The following GALNS variants were observed in gnomAD, a reference collection of about 807,000 sequenced individuals.
GALNS encodes galactosamine (N-acetyl)-6-sulfatase.
In GALNS, 65 loss-of-function variants were observed where a neutral mutation model predicts 65.9. That is an observed-to-expected ratio of 0.99 (90% CI 0.81 to 1.21). The LOEUF (loss-of-function observed/expected upper bound fraction) is 1.21. GALNS is among the 50% of genes most tolerant of loss of function. The pLI is 0.00. For missense variants in GALNS, 776 were observed against 700.7 expected (o/e 1.11, Z -1.21); for synonymous variants, 346 against 288.9 (o/e 1.20, Z -2.00).
In GALNS at chr16:88,856,860, C is replaced by A. The variant is rs753547371; in HGVS notation, c.18G>T (p.Ala6=). 1 of 1,509,988 alleles carries A rather than the reference C, an allele frequency of 6.6e-7. No individual in the cohort carries two copies. Among genetic ancestry groups the A allele is most frequent in the East Asian group, 2.7e-5 (1 of 37,084 alleles). The allele number at this position is 1,509,988 out of a possible 1,614,324, so 93.5% of individuals were successfully genotyped here. A position where few individuals can be genotyped will look rare whatever the true frequency, so the allele number is the denominator to read the frequency against. Residue 6 remains alanine (A), a synonymous_variant, in exon 1 of 14, where the codon GCG becomes GCT. Transcript: ENST00000268695. ...GCAACAGCTGCCACCACCTCGTCGC[C>A]GCGACAACCGCCGCCATGGCAACCA... MAAVV[A]ATRWWQLLLV... is the part of the protein sequence containing the mutation.
intron 9 of GALNS, chr16:88,827,242 T>C (rs1189864099): frequency 4.1e-5 from 10 of 244,692 alleles, no homozygotes; most frequent in South Asian, 3.1e-4. Context: ...AAAAACCAGA[T>C]GTGGAGGGGC....
chr16:88,855,085 C>A (rs12932588), intron 1 of GALNS: 132,959 of 430,664 alleles, frequency 0.31, 23,787 homozygotes, highest in African/African-American at 0.61. Context: ...ATGCAATTCC[C>A]TATTTACCGG....
rs373437130 is a variant in GALNS at position 88,838,374 on chromosome 16, TGAC to T, written c.423-612_423-610del. On this transcript the variant is annotated intron_variant, in intron 4 of 13. Coordinates refer to ENST00000268695, the MANE Select transcript of GALNS (RefSeq NM_000512.5). ...ACCCTGGCAGAGGCAGGGATTAGAG[TGAC>T]GACAAGAGAACGTGACAGTGTGGCC... 2.1e-3 allele frequency among the ~76,000 whole-genome samples: 319 copies of T among 151,928 alleles called. 2 individuals carry two copies. Among genetic ancestry groups the T allele is most frequent in the African/African-American group, 7.2e-3 (300 of 41,386 alleles).
chr16:88,839,697 C>A (rs1274132387), intron 4 of GALNS, among the ~76,000 whole-genome samples: 1 of 152,230 alleles, frequency 6.6e-6, no homozygotes, highest in Non-Finnish European at 1.5e-5. Context: ...AGCCACTGCA[C>A]CATGTGCGGG....
In GALNS at chr16:88,841,084, C is replaced by A. The variant is rs374355420; in HGVS notation, c.330G>T (p.Pro110=). The A allele has an allele frequency of 1.3e-5, 21 of 1,612,822 alleles. No individual in the cohort carries two copies. The highest frequency in any genetic ancestry group is 1.8e-5 in the Non-Finnish European group (21 of 1,179,818). ...TNAHARNAYT[P]QEIVGGIPDS... ...CTGGGATGCCGCCCACAATCTCCTG[C>A]GGTGTGTAGGCTGGAAGAGCAGCGC... is the stretch of plus-strand genomic sequence containing the variant. Residue 110 remains proline (P), a synonymous_variant, in exon 4 of 14, where the codon CCG becomes CCT. Transcript: ENST00000268695.
At chr16:88,827,820 G>C (rs1911090685) in intron 9 of GALNS, among the ~76,000 whole-genome samples, 1 of 152,208 alleles carries the variant, frequency 6.6e-6, no homozygotes, top group Non-Finnish European at 1.5e-5. Flanking sequence ...AGACACCCCT[G>C]CCTGGCAAGC....
Position 88,815,878 on chromosome 16 carries a change from C to G in GALNS, c.1483-1353G>C, listed in dbSNP as rs541427179. On this transcript the variant is annotated intron_variant, in intron 13 of 13. Coordinates refer to ENST00000268695, the MANE Select transcript of GALNS (RefSeq NM_000512.5). ...GTCTGGATGGGGGATCTGCATTTCT[C>G]AAAGGCCGCTCAGCTGTCCCAGAAG... 9.5e-4 allele frequency: 941 copies of G among 985,398 alleles called. 7 individuals carry two copies. The African/African-American group carries it at 0.016, about 16-fold the overall frequency. The allele number at this position is 985,398 out of a possible 1,614,324, so 61.0% of individuals were successfully genotyped here.
chr16:88,843,001 C>A, intron 1 of GALNS, 172 bp from the exon 2 acceptor site: 3 of 1,508,946 alleles, frequency 2.0e-6, no homozygotes, highest in Non-Finnish European at 2.7e-6. Flanking sequence ...CGTGCGTGCA[C>A]GATGGGGCCG....
intron 12 of GALNS, among the ~76,000 whole-genome samples, chr16:88,819,598 C>T (rs1342494754): frequency 2.6e-5 from 4 of 152,094 alleles, no homozygotes. Context: ...AGTGGTGAGA[C>T]AGCAGCTCAC....
chr16:88,843,460 C>T (rs1246147137), intron 1 of GALNS: 5 of 346,854 alleles, frequency 1.4e-5, no homozygotes, highest in Non-Finnish European at 2.3e-5. Context: ...AAAGTGCGGC[C>T]GGCGTGTACT....
chr16:88,821,896 C>T (rs1910257189), intron 12 of GALNS, among the ~76,000 whole-genome samples: 1 of 152,138 alleles, frequency 6.6e-6, no homozygotes, highest in Non-Finnish European at 1.5e-5. Context: ...TGCCCCAGGA[C>T]CCCCAGGCCA....
rs553375622 is a variant in GALNS at position 88,817,243 on chromosome 16, G to A, written c.1482+764C>T. 1.4e-5 allele frequency: 13 copies of A among 953,648 alleles called. No homozygotes were observed. The South Asian group carries it at 5.4e-4, about 40-fold the overall frequency. 59.1% of individuals were successfully genotyped at this position (953,648 alleles called of 1,614,324 possible). On this transcript the variant is annotated intron_variant, in intron 13 of 13. Transcript: ENST00000268695. ...CCTGACTGCTGCGGCCCCCAGGGCT[G>A]GACAAGACGACGACGCATCCTTTGT...
At chr16:88,819,917 C>T (rs1298003297) in intron 12 of GALNS, among the ~76,000 whole-genome samples, 4 of 152,194 alleles carry the variant, frequency 2.6e-5, no homozygotes, top group Non-Finnish European at 5.9e-5. Flanking sequence ...TGGTCTCGAA[C>T]TCCTGACCTC....
chr16:88,827,278 C>A (rs572541009), intron 9 of GALNS, among the ~76,000 whole-genome samples: 1 of 152,142 alleles, frequency 6.6e-6, no homozygotes, highest in Admixed American at 6.5e-5. Flanking sequence ...GGAGCAGCTC[C>A]GAGTGGCTGG....
chr16:88,817,408 G>C (rs145384694), intron 13 of GALNS: 16 of 985,324 alleles, frequency 1.6e-5, no homozygotes, highest in Non-Finnish European at 1.8e-5. Flanking sequence ...GTGCTGCTCT[G>C]GGTGGGTGCC....
chr16:88,842,797 C>T lies in GALNS; in HGVS notation c.153G>A (p.Glu51=). 1 of 1,613,402 alleles carries T rather than the reference C, an allele frequency of 6.2e-7. No homozygotes were observed. The highest frequency in any genetic ancestry group is 8.5e-7 in the Non-Finnish European group (1 of 1,179,936). The change falls in exon 2 of 14, where the codon GAG becomes GAA. Residue 51 remains glutamate, a synonymous_variant. Coordinates refer to ENST00000268695, the MANE Select transcript of GALNS (RefSeq NM_000512.5). ...MGWGDLGVYG[E]PSRETPNLDR... ...CCAAATTCGGGGTCTCTCTGGAGGG[C>T]TCTCCATACACCCCGAGGTCACCCC... is the stretch of plus-strand genomic sequence containing the variant.
rs769817751 is a variant in GALNS, at chr16:88,814,201, G to A, written c.*238C>T. On this transcript the variant is annotated 3_prime_UTR_variant, in exon 14 of 14. Transcript: ENST00000268695. ...AGACGGCAGGGTCCTGAGGTCTGAG[G>A]CGCCGTGGGCGAGGAGGAGGGTCCT... The A allele has an allele frequency of 8.4e-6, 5 of 598,408 alleles. No individual in the cohort carries two copies. Among genetic ancestry groups the A allele is most frequent in the Non-Finnish European group, 1.2e-5 (4 of 335,700 alleles). 37.1% of individuals were successfully genotyped at this position (598,408 alleles called of 1,614,324 possible). A position where few individuals can be genotyped will look rare whatever the true frequency, so the allele number is the denominator to read the frequency against.
chr16:88,848,519 G>A (rs1967356041), intron 1 of GALNS, among the ~76,000 whole-genome samples: 1 of 150,780 alleles, frequency 6.6e-6, no homozygotes, highest in Non-Finnish European at 1.5e-5. Flanking sequence ...TGTGGTCCCA[G>A]CTACTCGGGA....
intron 1 of GALNS, among the ~76,000 whole-genome samples, chr16:88,846,294 C>G (rs1967239099): frequency 1.3e-5 from 2 of 152,076 alleles, no homozygotes; most frequent in South Asian, 4.1e-4. Context: ...ACCCTCATCC[C>G]ACACACTGCA....
Sources: gnomAD v4.1 joint callset for allele counts (sites outside exome capture counted in the v4.1 genomes callset) on GRCh38, gnomAD v4.1.1 for gene constraint, MANE v1.5 for transcripts, NCBI Gene and HGNC (gene_info 2026-07-23, HGNC 2026-07-21) for gene names.